GRIK3: variants seen among roughly 807,000 people sequenced by gnomAD.
GRIK3 encodes the protein glutamate receptor ionotropic, kainate 3.
In GRIK3, 29 loss-of-function variants were observed where a neutral mutation model predicts 102.5. The ratio of observed to expected loss-of-function variants is 0.28; its 90% CI spans 0.21 to 0.39. The LOEUF (loss-of-function observed/expected upper bound fraction) is 0.39, where lower values mean the gene tolerates loss of function less well. Ranked by LOEUF, GRIK3 falls within the 10% of genes least tolerant of loss-of-function variation. The pLI, the probability that GRIK3 is intolerant of heterozygous loss-of-function variation, is 1.00. For synonymous variants in GRIK3, 511 were observed against 504.9 expected (o/e 1.01, Z -0.16); for missense variants, 908 against 1,252.4 (o/e 0.73, Z 4.15).
At chr1:36,821,540 G>T (rs1235829489) in intron 11 of GRIK3, among the ~76,000 whole-genome samples, 1 of 152,222 alleles carries the variant, frequency 6.6e-6, no homozygotes, top group Non-Finnish European at 1.5e-5. Context: ...GGAACCAGGA[G>T]AGTCCCTGCT....
intron 9 of GRIK3, among the ~76,000 whole-genome samples, chr1:36,844,103 T>C (rs572707883): frequency 6.6e-6 from 1 of 152,290 alleles, no homozygotes; most frequent in African/African-American, 2.4e-5. Flanking sequence ...GTGCTACTTC[T>C]CTAAATCCCA....
chr1:36,831,324 C>T (rs1478591747), intron 10 of GRIK3, among the ~76,000 whole-genome samples: 3 of 152,232 alleles, frequency 2.0e-5, no homozygotes, highest in African/African-American at 7.2e-5. Context: ...CTGCAGAAAG[C>T]TGCTGGTACA....
chr1:37,002,563 T>C (rs2124035441), intron 1 of GRIK3, among the ~76,000 whole-genome samples: 1 of 152,326 alleles, frequency 6.6e-6, no homozygotes, highest in Admixed American at 6.5e-5. Flanking sequence ...AAACTGTGTT[T>C]CATCATCATG....
intron 1 of GRIK3, among the ~76,000 whole-genome samples, chr1:36,992,753 G>C (rs551082609): frequency 6.6e-6 from 1 of 152,328 alleles, no homozygotes; most frequent in South Asian, 2.1e-4. Context: ...AGCATCCTAA[G>C]CGGCTTCCAT....
Position 36,957,844 on chromosome 1 carries a change from CTG to C in GRIK3, c.116-66750_116-66749del, listed in dbSNP as rs1641940477. The stretch of plus-strand genomic sequence containing the variant: ...CCGTGAGCCTGTGTGTCCCATGACT[CTG>C]TGCCCCGTGAGTCTGTGTGCCCCGT... On this transcript the variant is annotated intron_variant, in intron 1 of 15. Coordinates refer to ENST00000373091, the MANE Select transcript of GRIK3 (RefSeq NM_000831.4). Among the ~76,000 whole-genome samples the C allele has an allele frequency of 7.5e-5, 7 of 93,404 alleles. 1 individual carries two copies. The Admixed American group carries it at 8.6e-4, about 11-fold the overall frequency. The allele number at this position is 93,404 out of a possible 152,430, so 61.3% of individuals were successfully genotyped here. A position where few individuals can be genotyped will look rare whatever the true frequency, so the allele number is the denominator to read the frequency against.
At chr1:36,882,019 T>C (rs1460458302) in intron 2 of GRIK3, among the ~76,000 whole-genome samples, 2 of 41,756 alleles carry the variant, frequency 4.8e-5, no homozygotes, top group Non-Finnish European at 1.9e-4. Flanking sequence ...CCTTGAGGCC[T>C]CTGTGTCTGT....
chr1:36,840,929 A>G (rs1205523041), intron 10 of GRIK3, among the ~76,000 whole-genome samples: 1 of 152,170 alleles, frequency 6.6e-6, no homozygotes, highest in Non-Finnish European at 1.5e-5. Context: ...TTCTGCCACT[A>G]TGACAACAAT....
intron 1 of GRIK3, among the ~76,000 whole-genome samples, chr1:36,962,592 G>A (rs530299626): frequency 4.6e-5 from 7 of 151,518 alleles, no homozygotes; most frequent in South Asian, 2.1e-4. Flanking sequence ...GCAAGCAGAC[G>A]GTGGCTGAAG....
chr1:36,851,300 C>A (rs1640581980), intron 8 of GRIK3, among the ~76,000 whole-genome samples: 1 of 152,250 alleles, frequency 6.6e-6, no homozygotes, highest in South Asian at 2.1e-4. Context: ...CCGGTTGGAG[C>A]TGGCTGGATC....
At chr1:36,937,464 T>C (rs1470886068) in intron 1 of GRIK3, among the ~76,000 whole-genome samples, 1 of 152,182 alleles carries the variant, frequency 6.6e-6, no homozygotes, top group Non-Finnish European at 1.5e-5. Context: ...CTATTTCTCA[T>C]TACAGGATGA....
chr1:36,837,588 C>T (rs1159549598), intron 10 of GRIK3, among the ~76,000 whole-genome samples: 1 of 152,134 alleles, frequency 6.6e-6, no homozygotes, highest in Non-Finnish European at 1.5e-5. Flanking sequence ...TCCTCAAGTG[C>T]CAAGTCGATG....
intron 1 of GRIK3, among the ~76,000 whole-genome samples, chr1:36,910,948 C>T (rs1026343278): frequency 3.9e-5 from 6 of 152,130 alleles, no homozygotes; most frequent in Non-Finnish European, 7.3e-5. Flanking sequence ...GTGATAACCA[C>T]GGACTAAACA....
intron 1 of GRIK3, among the ~76,000 whole-genome samples, chr1:36,943,258 A>G (rs1641747220): frequency 1.3e-5 from 2 of 152,174 alleles, no homozygotes; most frequent in South Asian, 4.1e-4. Context: ...CACATAAAAC[A>G]TGAAAAGAAG....
At chr1:36,964,421 C>T (rs1018758918) in intron 1 of GRIK3, among the ~76,000 whole-genome samples, 2 of 152,148 alleles carry the variant, frequency 1.3e-5, no homozygotes, top group African/African-American at 2.4e-5. Flanking sequence ...CACACAGTGA[C>T]CCCTCTCCCC....
At position 36,961,025 on chromosome 1, in the gene GRIK3, T is replaced by C. The variant is rs958965754; in HGVS notation, c.116-69929A>G. On this transcript the variant is annotated intron_variant, in intron 1 of 15. Transcript: ENST00000373091. Reference sequence around the variant, plus strand: ...CATTCCACTGCTAAAGCCACATACATGGAGACGACCTGTCTTCAACTCTCA... The same window carrying C: ...CATTCCACTGCTAAAGCCACATACACGGAGACGACCTGTCTTCAACTCTCA... Among the ~76,000 whole-genome samples, 8 of 152,246 alleles carry C rather than the reference T, an allele frequency of 5.3e-5. No individual in the cohort carries two copies. The East Asian group carries it at 1.5e-3, about 29-fold the overall frequency.
At chr1:36,970,962 CACA>C (rs1252901887) in intron 1 of GRIK3, among the ~76,000 whole-genome samples, 1 of 152,202 alleles carries the variant, frequency 6.6e-6, no homozygotes, top group African/African-American at 2.4e-5. Flanking sequence ...ATGATGTGCT[CACA>C]ACAAGCCCTT....
intron 11 of GRIK3, among the ~76,000 whole-genome samples, chr1:36,824,167 G>A (rs1451779378): frequency 6.6e-6 from 1 of 152,164 alleles, no homozygotes; most frequent in Non-Finnish European, 1.5e-5. Context: ...GAGCCTGGAG[G>A]CAGGGTGGGA....
At position 36,841,936 on chromosome 1, in the gene GRIK3, C is replaced by T. The variant is rs770009595; in HGVS notation, c.1330G>A (p.Glu444Lys). The T allele has an allele frequency of 3.5e-5, 57 of 1,613,908 alleles. No homozygotes were observed. The highest frequency in any genetic ancestry group is 1.6e-4 in the Middle Eastern group (1 of 6,066). Reference protein sequence around the residue: ...RSLIVTTVLEEPFVMFRKSDR... With the variant: ...RSLIVTTVLEKPFVMFRKSDR... ...GATTTCCGAAACATGACGAAGGGCTCCTCCTGCAGAGACAGATGGGCAGGG... is the reference window on the plus strand; with the variant it reads ...GATTTCCGAAACATGACGAAGGGCTTCTCCTGCAGAGACAGATGGGCAGGG... Residue 444 changes from glutamate to lysine, a missense_variant, in exon 10 of 16, where the codon GAG becomes AAG. Physicochemically the swap from Glu to Lys is moderately conservative, Grantham distance 56. This residue lies in a region of GRIK3 where 585 missense variants were observed against 824.9 expected (regional missense o/e 0.71). Coordinates refer to ENST00000373091, the MANE Select transcript of GRIK3 (RefSeq NM_000831.4).
intron 9 of GRIK3, among the ~76,000 whole-genome samples, chr1:36,848,189 A>C (rs1413862269): frequency 6.6e-6 from 1 of 152,218 alleles, no homozygotes; most frequent in Non-Finnish European, 1.5e-5. Context: ...GGCTGCTACC[A>C]TTTTAATAAA....
Sources: gnomAD v4.1 joint callset for allele counts (sites outside exome capture counted in the v4.1 genomes callset) on GRCh38, gnomAD v4.1.1 for gene constraint, gnomAD v4.1.1 regional missense constraint, MANE v1.5 for transcripts, NCBI Gene and HGNC (gene_info 2026-07-23, HGNC 2026-07-21) for gene names.